Variants in RIPK1 observed in about 807,000 individuals in gnomAD.
The protein encoded by RIPK1 is receptor interacting serine/threonine kinase 1, also known as receptor-interacting serine/threonine-protein kinase 1.
RIPK1 carries 27 observed loss-of-function variants against 62.4 expected under a neutral mutation model. That is an observed-to-expected ratio of 0.43 (90% CI 0.32 to 0.60). The LOEUF (loss-of-function observed/expected upper bound fraction) is 0.60, where lower values mean the gene tolerates loss of function less well. RIPK1 is among the 20% of genes least tolerant of loss of function. The pLI, the probability that RIPK1 is intolerant of heterozygous loss-of-function variation, is 0.07. For synonymous variants in RIPK1, 287 were observed against 303.2 expected (o/e 0.95, Z 0.55); for missense variants, 735 against 831.0 (o/e 0.88, Z 1.42).
upstream of RIPK1, chr6:3,068,106 T>C (rs1252934274): frequency 3.4e-6 from 2 of 592,978 alleles, no homozygotes; most frequent in Non-Finnish European, 4.2e-6. Context: ...AGTTCCAACT[T>C]TGCTCGAGAC....
chr6:3,077,952 C>T lies in RIPK1; in HGVS notation c.321+17C>T, dbSNP rs766208791. The T allele has an allele frequency of 1.4e-5, 22 of 1,612,272 alleles. No homozygotes were observed. The highest frequency in any genetic ancestry group is 4.5e-5 in the East Asian group (2 of 44,886). On this transcript the variant is annotated intron_variant, in intron 3 of 10. Coordinates refer to ENST00000259808, the MANE Select transcript of RIPK1 (RefSeq NM_001354930.2). ...AAAGCCGAGGTAGAGAGGGCCCCTC[C>T]GCACGGGGATCCCCAGCGCTTGGGC...
chr6:3,097,256 A>T (rs1275178479), intron 7 of RIPK1, among the ~76,000 whole-genome samples: 11 of 152,204 alleles, frequency 7.2e-5, no homozygotes, highest in Admixed American at 7.2e-4. Flanking sequence ...AATCCATATG[A>T]AAAGGTAAAG....
At chr6:3,078,155 C>T (rs921983909) in intron 3 of RIPK1, among the ~76,000 whole-genome samples, 4 of 152,216 alleles carry the variant, frequency 2.6e-5, no homozygotes, top group African/African-American at 9.6e-5. Context: ...ACCTCAGCCT[C>T]TCAAGTAGCT....
Position 3,104,256 on chromosome 6 carries a change from A to G in RIPK1, c.947A>G (p.Lys316Arg). 3 of 1,602,270 alleles carry G rather than the reference A, an allele frequency of 1.9e-6. No homozygotes were observed. The highest frequency in any genetic ancestry group is 2.6e-6 in the Non-Finnish European group (3 of 1,169,884). ...TATTCAAACGAAAATGCAGTTGTGAAGAGAATGCAGTCTCTTCAACTTGAT... is the reference window on the plus strand; with the variant it reads ...TATTCAAACGAAAATGCAGTTGTGAGGAGAATGCAGTCTCTTCAACTTGAT... The part of the protein sequence containing the change: ...KEYSNENAVV[K>R]RMQSLQLDCV... Residue 316 changes from lysine (K) to arginine (R), a missense_variant, in exon 8 of 11, where the codon AAG (lysine) becomes AGG (arginine). Lys to Arg is a conservative substitution (Grantham distance 26). This residue lies in a region of RIPK1 where 671 missense variants were observed against 726.2 expected (regional missense o/e 0.92). Coordinates refer to ENST00000259808, the MANE Select transcript of RIPK1 (RefSeq NM_001354930.2).
chr6:3,076,604 C>T (rs978959482), intron 1 of RIPK1, among the ~76,000 whole-genome samples, 160 bp from the exon 2 acceptor site: 2 of 150,974 alleles, frequency 1.3e-5, no homozygotes, highest in East Asian at 2.0e-4. Flanking sequence ...TGCCTGAGCC[C>T]AGGAGGTCGA....
chr6:3,111,291 G>A (rs1007449651), intron 10 of RIPK1, among the ~76,000 whole-genome samples: 9 of 152,290 alleles, frequency 5.9e-5, no homozygotes, highest in African/African-American at 1.9e-4. Flanking sequence ...CTCAGACCCA[G>A]AAGAAATAGC....
chr6:3,101,756 C>G (rs1760596907), intron 7 of RIPK1, among the ~76,000 whole-genome samples: 1 of 152,086 alleles, frequency 6.6e-6, no homozygotes, highest in African/African-American at 2.4e-5. Flanking sequence ...ATTATTGCTC[C>G]TATAAGGAAA....
upstream of RIPK1, among the ~76,000 whole-genome samples, chr6:3,064,307 C>G (rs1758283800): frequency 2.0e-5 from 3 of 152,194 alleles, no homozygotes; most frequent in Admixed American, 1.3e-4. Context: ...TCCTCGCTGC[C>G]CTTCCCTGGC....
chr6:3,111,088 C>G (rs896675683), intron 10 of RIPK1, 133 bp downstream of exon 10: 2 of 533,462 alleles, frequency 3.7e-6, no homozygotes, highest in African/African-American at 1.9e-5. Flanking sequence ...TGCAAAATAT[C>G]TTTGTAATTT....
intron 1 of RIPK1, among the ~76,000 whole-genome samples, chr6:3,070,027 A>G (rs1287651908): frequency 6.6e-6 from 1 of 151,642 alleles, no homozygotes; most frequent in Non-Finnish European, 1.5e-5. Flanking sequence ...AAAATAAATA[A>G]AGAAATGGGG....
upstream of RIPK1, among the ~76,000 whole-genome samples, chr6:3,064,858 G>A (rs1346670407): frequency 6.6e-6 from 1 of 152,110 alleles, no homozygotes; most frequent in Admixed American, 6.5e-5. Context: ...TCAAGGGAGG[G>A]GCAGGTGGAG....
intron 6 of RIPK1, among the ~76,000 whole-genome samples, chr6:3,087,235 C>T (rs1387637439): frequency 6.6e-6 from 1 of 152,080 alleles, no homozygotes; most frequent in Non-Finnish European, 1.5e-5. Flanking sequence ...AGGTTTTGCT[C>T]AGCTTCTTAA....
intron 3 of RIPK1, among the ~76,000 whole-genome samples, chr6:3,078,518 C>T (rs1420082414): frequency 6.6e-6 from 1 of 152,198 alleles, no homozygotes; most frequent in East Asian, 1.9e-4. Context: ...CTGCAATCTA[C>T]AGTTCAGAGA....
At chr6:3,082,839 T>C (rs1759468285) in intron 4 of RIPK1, among the ~76,000 whole-genome samples, 1 of 152,196 alleles carries the variant, frequency 6.6e-6, no homozygotes, top group African/African-American at 2.4e-5. Context: ...TCCCCCTTAC[T>C]GCATAAGGAA....
At chr6:3,102,400 A>G (rs886737338) in intron 7 of RIPK1, among the ~76,000 whole-genome samples, 1 of 152,200 alleles carries the variant, frequency 6.6e-6, no homozygotes, top group Non-Finnish European at 1.5e-5. Flanking sequence ...GTTTAGACTT[A>G]GGTCCTCTCC....
At chr6:3,104,187 C>A in intron 7 of RIPK1, 38 bp from the exon 8 acceptor site, 1 of 884,914 alleles carries the variant, frequency 1.1e-6, no homozygotes, top group Non-Finnish European at 1.8e-6. Context: ...CTATTTCCTG[C>A]TGTTCACTAA....
At chr6:3,108,421 C>G (rs1008164659) in intron 9 of RIPK1, among the ~76,000 whole-genome samples, 32 of 152,072 alleles carry the variant, frequency 2.1e-4, no homozygotes, top group Admixed American at 2.1e-3. Context: ...TTCCAGTGGT[C>G]AGATTTGGGC....
upstream of RIPK1, chr6:3,068,350 G>C (rs983403475): frequency 2.4e-5 from 24 of 985,300 alleles, no homozygotes; most frequent in South Asian, 4.7e-5. Context: ...CCACTCGCTT[G>C]AAAACAAAGT....
At chr6:3,106,551 G>A (rs910041428) in intron 9 of RIPK1, among the ~76,000 whole-genome samples, 1 of 152,212 alleles carries the variant, frequency 6.6e-6, no homozygotes, top group African/African-American at 2.4e-5. Context: ...GTCTAGAATG[G>A]AAGTGAGTTA....
Sources: allele counts gnomAD v4.1 joint callset (sites outside exome capture counted in the v4.1 genomes callset), GRCh38; gene constraint gnomAD v4.1.1; regional missense constraint gnomAD v4.1.1; transcripts MANE v1.5; gene names NCBI Gene and HGNC (gene_info 2026-07-23, HGNC 2026-07-21).